Variants in DOCK11 observed in about 807,000 individuals in gnomAD.
DOCK11 encodes dedicator of cytokinesis protein 11.
In DOCK11, 70 loss-of-function variants were observed where a neutral mutation model predicts 169.1. The observed-to-expected ratio is 0.41, with a 90% CI of 0.34 to 0.51. The LOEUF (loss-of-function observed/expected upper bound fraction) is 0.51. Ranked by LOEUF, DOCK11 falls within the 20% of genes least tolerant of loss-of-function variation. DOCK11 has a pLI of 0.10. For missense variants in DOCK11, 1,166 were observed against 1,538.8 expected (o/e 0.76, Z 4.05); for synonymous variants, 529 against 541.3 (o/e 0.98, Z 0.32).
At chrX:118,576,202 C>T (rs939519228) in intron 12 of DOCK11, among the ~76,000 whole-genome samples, 1 of 111,842 alleles carries the variant, frequency 8.9e-6, no homozygotes, top group African/African-American at 3.3e-5. Context: ...ATCCTGGGAG[C>T]TTTGTAAGTG....
chrX:118,660,117 A>G (rs958477211), intron 44 of DOCK11, among the ~76,000 whole-genome samples: 6 of 111,469 alleles, frequency 5.4e-5, no homozygotes, highest in Non-Finnish European at 1.9e-5. Context: ...TTTCTTCTAC[A>G]TTTCAAAAAG....
chrX:118,617,234 G>A (rs900104749), intron 30 of DOCK11, among the ~76,000 whole-genome samples: 11 of 111,799 alleles, frequency 9.8e-5, no homozygotes, highest in African/African-American at 3.6e-4. Flanking sequence ...GCTAACGTCT[G>A]TAATCCCAGC....
chrX:118,682,379 C>T (rs998293247), intron 51 of DOCK11, among the ~76,000 whole-genome samples: 2 of 111,364 alleles, frequency 1.8e-5, no homozygotes, highest in Non-Finnish European at 3.8e-5. Context: ...GATAATCTAT[C>T]CACTCATTTG....
chrX:118,568,934 C>T (rs928521523), intron 10 of DOCK11, among the ~76,000 whole-genome samples: 2 of 110,432 alleles, frequency 1.8e-5, no homozygotes, highest in African/African-American at 6.6e-5. Context: ...CATGAGATTT[C>T]GAATGAAAAT....
chrX:118,558,436 G>A (rs2012796302), intron 6 of DOCK11, among the ~76,000 whole-genome samples: 2 of 111,902 alleles, frequency 1.8e-5, no homozygotes, highest in African/African-American at 3.2e-5. Context: ...CCATTATTCT[G>A]TATAGTCGTT....
chrX:118,498,260 T>C (rs778352418), intron 1 of DOCK11, among the ~76,000 whole-genome samples: 5 of 112,727 alleles, frequency 4.4e-5, no homozygotes, highest in South Asian at 3.6e-4. Context: ...TCTATAATTA[T>C]GAGAATGCAA....
chrX:118,594,480 A>G (rs1442367884), intron 20 of DOCK11, among the ~76,000 whole-genome samples: 1 of 112,347 alleles, frequency 8.9e-6, no homozygotes, highest in South Asian at 3.7e-4. Flanking sequence ...ATCAACTGGT[A>G]TTATGCAAAT....
chrX:118,670,352 C>T (rs1183374336), intron 45 of DOCK11, among the ~76,000 whole-genome samples: 2 of 111,434 alleles, frequency 1.8e-5, no homozygotes, highest in South Asian at 3.7e-4. Context: ...ATGTTTTCAT[C>T]GTTGAGAACA....
chrX:118,496,732 A>G (rs1256232675), intron 1 of DOCK11, among the ~76,000 whole-genome samples: 1 of 111,655 alleles, frequency 9.0e-6, no homozygotes, highest in East Asian at 2.9e-4. Context: ...GAGTGGGCGC[A>G]GGGTCATCCA....
At chrX:118,639,345 T>C in intron 37 of DOCK11, 90 bp from the exon 38 acceptor site, 2 of 1,023,858 alleles carry the variant, frequency 2.0e-6, no homozygotes, top group South Asian at 2.5e-5. Flanking sequence ...TATGTTTATG[T>C]GGAAACCTAA....
intron 1 of DOCK11, among the ~76,000 whole-genome samples, chrX:118,539,572 GAATA>G (rs2147341656): frequency 9.0e-6 from 1 of 111,264 alleles, no homozygotes; most frequent in Non-Finnish European, 1.9e-5. Context: ...TTATCACTAA[GAATA>G]AATTTCTCAT....
chrX:118,597,477 A>G lies in DOCK11; in HGVS notation c.2310A>G (p.Thr770=), dbSNP rs778817844. The G allele has an allele frequency of 1.7e-6, 2 of 1,211,652 alleles. No homozygotes were observed. The highest frequency in any genetic ancestry group is 4.3e-5 in the Admixed American group (2 of 46,032). Residue 770 remains threonine, a synonymous_variant, in exon 21 of 53, where the codon ACA becomes ACG. Coordinates refer to ENST00000276202, the MANE Select transcript of DOCK11 (RefSeq NM_144658.4). ...VPLLKDGRII[T]FEQQLPVSAN... ...TGCTGAAAGATGGTAGAATCATCACATTTGAGCAGCAGCTGCCAGTTTCCG... is the reference window on the plus strand; with the variant it reads ...TGCTGAAAGATGGTAGAATCATCACGTTTGAGCAGCAGCTGCCAGTTTCCG...
At chrX:118,553,966 T>C (rs1017891070) in intron 6 of DOCK11, among the ~76,000 whole-genome samples, 1 of 112,077 alleles carries the variant, frequency 8.9e-6, no homozygotes, top group Non-Finnish European at 1.9e-5. Flanking sequence ...TCAGACACTA[T>C]TGGGTATCAA....
At chrX:118,644,089 TACCTC>T (rs1451983262) in intron 40 of DOCK11, among the ~76,000 whole-genome samples, 1 of 111,819 alleles carries the variant, frequency 8.9e-6, no homozygotes, top group Non-Finnish European at 1.9e-5. Flanking sequence ...GCAGTCCACT[TACCTC>T]AGCTAAACAA....
chrX:118,609,476 T>G, intron 27 of DOCK11, 127 bp downstream of exon 27: 4 of 477,416 alleles, frequency 8.4e-6, no homozygotes, highest in South Asian at 8.8e-5. Flanking sequence ...CAAATCCCAT[T>G]TTATATTTAA....
intron 7 of DOCK11, among the ~76,000 whole-genome samples, chrX:118,563,936 C>T (rs1422466765): frequency 9.0e-6 from 1 of 111,357 alleles, no homozygotes; most frequent in African/African-American, 3.3e-5. Flanking sequence ...GTTCTTGTCA[C>T]ATAACCAGGA....
At chrX:118,656,272 A>C (rs751211072) in intron 44 of DOCK11, among the ~76,000 whole-genome samples, 1 of 110,169 alleles carries the variant, frequency 9.1e-6, no homozygotes, top group African/African-American at 3.3e-5. Flanking sequence ...AAAAATAATA[A>C]ATAAATAAAT....
At chrX:118,503,123 G>A (rs1174570215) in intron 1 of DOCK11, among the ~76,000 whole-genome samples, 2 of 98,382 alleles carry the variant, frequency 2.0e-5, no homozygotes, top group Non-Finnish European at 4.0e-5. Flanking sequence ...GCCCAGGCAC[G>A]ATCTTGGCTC....
chrX:118,500,747 A>T (rs2057570782), intron 1 of DOCK11, among the ~76,000 whole-genome samples: 1 of 110,817 alleles, frequency 9.0e-6, no homozygotes, highest in African/African-American at 3.3e-5. Context: ...CAGCCTCCCA[A>T]GTAGCTGGGA....
Sources: allele counts gnomAD v4.1 joint callset (sites outside exome capture counted in the v4.1 genomes callset), GRCh38; gene constraint gnomAD v4.1.1; transcripts MANE v1.5; gene names NCBI Gene and HGNC (gene_info 2026-07-23, HGNC 2026-07-21).